The following TMEM132B variants were observed in gnomAD, a reference collection of about 807,000 sequenced individuals.
The protein encoded by TMEM132B is transmembrane protein 132B.
TMEM132B carries 18 observed loss-of-function variants against 90.8 expected under a neutral mutation model. The observed-to-expected ratio is 0.20, with a 90% confidence interval of 0.14 to 0.29. The LOEUF is 0.29. Ranked by LOEUF, TMEM132B falls within the 10% of genes least tolerant of loss-of-function variation. The probability of loss-of-function intolerance (pLI) is 1.00; values close to 1 mark genes in which losing one functional copy is unlikely to be tolerated. For synonymous variants in TMEM132B, 504 were observed against 523.3 expected, an observed-to-expected ratio of 0.96 and a Z score of 0.50; for missense variants, 1,096 against 1,326.8, an observed-to-expected ratio of 0.83 and a Z score of 2.70.
intron 6 of TMEM132B, among the ~76,000 whole-genome samples, chr12:125,646,192 T>C (rs988473656): frequency 6.6e-6 from 1 of 152,102 alleles, no homozygotes; most frequent in Non-Finnish European, 1.5e-5. Context: ...CCTGCAGGTG[T>C]GTGGAAAGCA....
intron 1 of TMEM132B, among the ~76,000 whole-genome samples, chr12:125,305,554 C>G (rs1593077184): frequency 6.6e-6 from 1 of 152,008 alleles, no homozygotes; most frequent in Non-Finnish European, 1.5e-5. Context: ...ATTAGGTTTT[C>G]CTAAGATGGA....
At chr12:125,613,953 T>G (rs1885924311) in intron 5 of TMEM132B, among the ~76,000 whole-genome samples, 1 of 152,104 alleles carries the variant, frequency 6.6e-6, no homozygotes, top group South Asian at 2.1e-4. Context: ...CCTACATTCT[T>G]TTTGCTGTTA....
Position 125,644,177 on chromosome 12 carries a change from C to G in TMEM132B, c.1539C>G (p.Phe513Leu). 6.2e-7 allele frequency: 1 copy of G among 1,614,218 alleles called. No individual in the cohort carries two copies. Among genetic ancestry groups the G allele is most frequent in the Non-Finnish European group, 8.5e-7 (1 of 1,180,040 alleles). ...CCCACCAGCACTTCACCTCCCAGTT[C>G]GAGGTCACTGTCTGGGCACCCAGGC... ...NFTHQHFTSQFEVTVWAPRLP... is the reference protein window; with the variant it reads ...NFTHQHFTSQLEVTVWAPRLP... Residue 513 changes from phenylalanine (F) to leucine (L), a missense_variant, in exon 6 of 9, where the codon TTC (phenylalanine) becomes TTG (leucine). Phe to Leu is a conservative substitution (Grantham distance 22). Transcript: ENST00000682704.
intron 2 of TMEM132B, among the ~76,000 whole-genome samples, chr12:125,414,113 T>C (rs1381413968): frequency 6.6e-6 from 1 of 152,256 alleles, no homozygotes; most frequent in African/African-American, 2.4e-5. Context: ...GGTATTTTCA[T>C]GTGTTTATTG....
intron 1 of TMEM132B, among the ~76,000 whole-genome samples, chr12:125,287,197 C>T (rs10744201): frequency 0.84 from 126,823 of 151,740 alleles, 53,256 homozygotes; most frequent in African/African-American, 0.92. Flanking sequence ...GCTTCTGTGG[C>T]CCCGTCTCCT....
intron 4 of TMEM132B, among the ~76,000 whole-genome samples, chr12:125,521,765 G>A (rs906415658): frequency 5.3e-5 from 8 of 152,156 alleles, no homozygotes; most frequent in Admixed American, 2.6e-4. Flanking sequence ...GGCTGGGAGC[G>A]GGGTGAGGAA....
chr12:125,527,601 CACCCATCCACCCTTCCATCT>C (rs1347287492), intron 4 of TMEM132B, among the ~76,000 whole-genome samples: 2 of 149,294 alleles, frequency 1.3e-5, no homozygotes, highest in African/African-American at 2.5e-5. Flanking sequence ...CCCTTCTATC[CACCCATCCACCCTTCCATCT>C]ACCCATCCAC....
At chr12:125,280,533 C>A (rs1243496098) in intron 1 of TMEM132B, among the ~76,000 whole-genome samples, 4 of 152,216 alleles carry the variant, frequency 2.6e-5, no homozygotes, top group Admixed American at 2.6e-4. Flanking sequence ...TCGCACCTGG[C>A]CATGGGCTCT....
intron 4 of TMEM132B, among the ~76,000 whole-genome samples, chr12:125,567,749 G>A (rs1169686023): frequency 6.6e-6 from 1 of 152,148 alleles, no homozygotes; most frequent in Non-Finnish European, 1.5e-5. Flanking sequence ...CAGAAGCTGT[G>A]TGAAATTTTA....
At chr12:125,506,797 G>C (rs182464935) in intron 3 of TMEM132B, among the ~76,000 whole-genome samples, 2 of 152,336 alleles carry the variant, frequency 1.3e-5, no homozygotes, top group East Asian at 1.9e-4. Flanking sequence ...AGGTATAACT[G>C]TTTGCATGGA....
chr12:125,375,785 T>TC (rs1246983366), intron 2 of TMEM132B, among the ~76,000 whole-genome samples: 2 of 152,234 alleles, frequency 1.3e-5, no homozygotes, highest in Admixed American at 1.3e-4. Flanking sequence ...TAAATCACCT[T>TC]CTATATTCCT....
At chr12:125,500,656 C>T (rs1262284477) in intron 3 of TMEM132B, among the ~76,000 whole-genome samples, 14 of 152,014 alleles carry the variant, frequency 9.2e-5, no homozygotes, top group Non-Finnish European at 1.8e-4. Flanking sequence ...TTTTGTAGGA[C>T]GTCAATCTAG....
rs139358303 is a variant in TMEM132B, at chr12:125,419,969, G to A, written c.1106+4292G>A. Reference sequence around the variant, plus strand: ...GATCTCCTTTGACTCCGTGTCTCACGTCCAGGTCACACTGATGCAAAAGGT... The same window carrying A: ...GATCTCCTTTGACTCCGTGTCTCACATCCAGGTCACACTGATGCAAAAGGT... On this transcript the variant is annotated intron_variant, in intron 3 of 8. Transcript: ENST00000682704. Among the ~76,000 whole-genome samples, 256 of 152,308 alleles carry A rather than the reference G, an allele frequency of 1.7e-3. 2 individuals carry two copies. The highest frequency in any genetic ancestry group is 5.6e-3 in the African/African-American group (231 of 41,576).
At chr12:125,447,803 A>T (rs936839763) in intron 3 of TMEM132B, among the ~76,000 whole-genome samples, 2 of 152,118 alleles carry the variant, frequency 1.3e-5, no homozygotes, top group African/African-American at 4.8e-5. Context: ...TTCTCTCAGC[A>T]CTTTGAATAT....
chr12:125,587,163 A>G (rs1187077708), intron 5 of TMEM132B: 2 of 143,896 alleles, frequency 1.4e-5, no homozygotes, highest in Non-Finnish European at 3.0e-5. Flanking sequence ...AGACTGGGAG[A>G]CTGCTGTACT....
intron 1 of TMEM132B, among the ~76,000 whole-genome samples, chr12:125,282,041 AAAAAAAAAAAAAAAAAAAAGAG>A (rs1222019689): frequency 2.4e-5 from 3 of 124,654 alleles, no homozygotes; most frequent in African/African-American, 9.4e-5. Context: ...AAAAAAAAAA[AAAAAAAAAAAAAAAAAAAAGAG>A]AGACTTTTGA....
At chr12:125,642,650 T>C (rs1328185650) in intron 5 of TMEM132B, among the ~76,000 whole-genome samples, 2 of 152,210 alleles carry the variant, frequency 1.3e-5, no homozygotes, top group Non-Finnish European at 2.9e-5. Flanking sequence ...CAGCAATCCT[T>C]GTTCATTGCT....
intron 3 of TMEM132B, among the ~76,000 whole-genome samples, chr12:125,470,495 G>A (rs1266015393): frequency 6.6e-6 from 1 of 152,158 alleles, no homozygotes; most frequent in East Asian, 1.9e-4. Context: ...TCTTGTGGAG[G>A]ATCTAAGTGA....
chr12:125,384,222 C>T (rs573315274), intron 2 of TMEM132B, among the ~76,000 whole-genome samples: 174 of 152,260 alleles, frequency 1.1e-3, no homozygotes, highest in South Asian at 2.1e-3. Flanking sequence ...GGATTACAGG[C>T]GTGAGCCATC....
Sources: gnomAD v4.1 joint callset for allele counts (sites outside exome capture counted in the v4.1 genomes callset) on GRCh38, gnomAD v4.1.1 for gene constraint, MANE v1.5 for transcripts, NCBI Gene and HGNC (gene_info 2026-07-23, HGNC 2026-07-21) for gene names.